UNC13C: variants seen among roughly 807,000 people sequenced by gnomAD.
UNC13C encodes the protein protein unc-13 homolog C.
UNC13C carries 174 observed loss-of-function variants against 245.4 expected under a neutral mutation model. The observed-to-expected ratio is 0.71, with a 90% CI of 0.63 to 0.80. The LOEUF (loss-of-function observed/expected upper bound fraction) is 0.80. Among genes scored for constraint, UNC13C ranks in the 30% least tolerant of loss-of-function variants. UNC13C has a pLI of 0.00. For synonymous variants in UNC13C, 992 were observed against 895.1 expected (o/e 1.11, Z -1.93); for missense variants, 2,829 against 2,602.9 (o/e 1.09, Z -1.89).
intron 10 of UNC13C, among the ~76,000 whole-genome samples, chr15:54,289,056 A>G (rs1350603671): frequency 6.6e-6 from 1 of 152,144 alleles, no homozygotes. Flanking sequence ...AGTTGCACTT[A>G]GAAGCCTCTG....
intron 10 of UNC13C, among the ~76,000 whole-genome samples, chr15:54,270,495 CTTG>C (rs1033340511): frequency 9.9e-5 from 15 of 152,066 alleles, no homozygotes; most frequent in Non-Finnish European, 2.1e-4. Flanking sequence ...TTTCATAGAA[CTTG>C]TTAAGTGTTA....
chr15:54,398,709 A>G (rs940099666), intron 18 of UNC13C, among the ~76,000 whole-genome samples: 4 of 151,048 alleles, frequency 2.6e-5, no homozygotes, highest in African/African-American at 9.7e-5. Context: ...CTTCAAGAAA[A>G]TTTTCCATTT....
At chr15:54,380,543 T>C (rs552791226) in intron 17 of UNC13C, among the ~76,000 whole-genome samples, 3 of 152,308 alleles carry the variant, frequency 2.0e-5, no homozygotes, top group South Asian at 4.1e-4. Flanking sequence ...AGAAAGAGAC[T>C]GTTTTCCATA....
intron 30 of UNC13C, among the ~76,000 whole-genome samples, chr15:54,597,118 G>A (rs114361078): frequency 0.021 from 3,209 of 152,154 alleles, 65 homozygotes; most frequent in African/African-American, 0.051. Context: ...CCTCACATGC[G>A]CAATTCACAA....
intron 2 of UNC13C, among the ~76,000 whole-genome samples, chr15:54,022,197 A>G (rs1895930079): frequency 1.3e-5 from 2 of 152,212 alleles, no homozygotes; most frequent in Middle Eastern, 3.2e-3. Context: ...ATACGTTCCT[A>G]CCAACAATGT....
At chr15:53,986,534 T>C (rs1218086392) in intron 1 of UNC13C, among the ~76,000 whole-genome samples, 1 of 152,092 alleles carries the variant, frequency 6.6e-6, no homozygotes, top group African/African-American at 2.4e-5. Flanking sequence ...TTCTTAGAAT[T>C]CTGAAAATTT....
At chr15:53,937,485 C>A in the UNC13C span, among the ~76,000 whole-genome samples, 1 of 152,164 alleles carries the variant, frequency 6.6e-6, no homozygotes, top group Non-Finnish European at 1.5e-5. Flanking sequence ...AGTAGAACTT[C>A]CCAACCTAGC....
At chr15:54,318,611 A>C (rs1681796377) in intron 13 of UNC13C, among the ~76,000 whole-genome samples, 1 of 151,794 alleles carries the variant, frequency 6.6e-6, no homozygotes, top group Non-Finnish European at 1.5e-5. Flanking sequence ...AGGTTCTTAT[A>C]TGGTTTGGGT....
At chr15:54,371,195 C>A (rs895042382) in intron 17 of UNC13C, among the ~76,000 whole-genome samples, 1 of 152,162 alleles carries the variant, frequency 6.6e-6, no homozygotes, top group Non-Finnish European at 1.5e-5. Flanking sequence ...CCTGCCCGAC[C>A]ATTCCAGCCC....
At chr15:54,458,302 A>G (rs1409026104) in intron 19 of UNC13C, among the ~76,000 whole-genome samples, 2 of 152,078 alleles carry the variant, frequency 1.3e-5, no homozygotes, top group African/African-American at 4.8e-5. Flanking sequence ...TTTGTGGCCT[A>G]TCATATGGTC....
At chr15:54,208,858 G>T (rs1244021383) in intron 4 of UNC13C, among the ~76,000 whole-genome samples, 1 of 151,926 alleles carries the variant, frequency 6.6e-6, no homozygotes, top group African/African-American at 2.4e-5. Context: ...ATATTATTTT[G>T]CCCCCAATAC....
At chr15:54,616,449 T>C (rs1193728744) in intron 30 of UNC13C, among the ~76,000 whole-genome samples, 1 of 151,960 alleles carries the variant, frequency 6.6e-6, no homozygotes, top group Non-Finnish European at 1.5e-5. Flanking sequence ...ATAAAAAGTA[T>C]AGCAATATAA....
At chr15:54,112,786 G>A (rs1480230261) in intron 2 of UNC13C, among the ~76,000 whole-genome samples, 2 of 152,176 alleles carry the variant, frequency 1.3e-5, no homozygotes, top group African/African-American at 2.4e-5. Flanking sequence ...TAACGCTCAT[G>A]TCAGTTGGAC....
intron 18 of UNC13C, among the ~76,000 whole-genome samples, chr15:54,402,187 C>T (rs1481122784): frequency 1.3e-5 from 2 of 151,854 alleles, no homozygotes; most frequent in African/African-American, 4.8e-5. Context: ...AGCGAAAAAA[C>T]CCACAGATCT....
chr15:54,052,219 C>T (rs1897302289), intron 2 of UNC13C, among the ~76,000 whole-genome samples: 1 of 106,200 alleles, frequency 9.4e-6, no homozygotes, highest in Non-Finnish European at 1.9e-5. Context: ...CCGCAATAAA[C>T]ATACGTGTGC....
At chr15:53,985,866 C>T (rs1193538066) in intron 1 of UNC13C, among the ~76,000 whole-genome samples, 1 of 151,996 alleles carries the variant, frequency 6.6e-6, no homozygotes, top group Non-Finnish European at 1.5e-5. Flanking sequence ...TATCCCTTAT[C>T]CTTCCTCTCT....
chr15:54,398,011 A>G (rs1045234430), intron 18 of UNC13C, among the ~76,000 whole-genome samples: 1 of 151,396 alleles, frequency 6.6e-6, no homozygotes, highest in Non-Finnish European at 1.5e-5. Flanking sequence ...AGTGAAGAGC[A>G]GACATTCTTG....
At chr15:53,945,894 C>T in the UNC13C span, among the ~76,000 whole-genome samples, 3 of 152,014 alleles carry the variant, frequency 2.0e-5, no homozygotes, top group Admixed American at 1.3e-4. Flanking sequence ...GAATGTTTTT[C>T]CATTTGTTTG....
At chr15:54,075,243 T>C (rs937184390) in intron 2 of UNC13C, among the ~76,000 whole-genome samples, 7 of 151,960 alleles carry the variant, frequency 4.6e-5, no homozygotes, top group Non-Finnish European at 1.0e-4. Flanking sequence ...CCCAGCACTT[T>C]GAGAGGCCGA....
Sources: gnomAD v4.1 joint callset for allele counts (sites outside exome capture counted in the v4.1 genomes callset) on GRCh38, gnomAD v4.1.1 for gene constraint, MANE v1.5 for transcripts, NCBI Gene and HGNC (gene_info 2026-07-23, HGNC 2026-07-21) for gene names.